The following ASB14 variants were observed in gnomAD, a reference collection of about 807,000 sequenced individuals.
The protein encoded by ASB14 is ankyrin repeat and SOCS box containing 14.
In ASB14, 63 loss-of-function variants were observed where a neutral mutation model predicts 55.6. The ratio of observed to expected loss-of-function variants is 1.13; its 90% confidence interval spans 0.92 to 1.40. The LOEUF (loss-of-function observed/expected upper bound fraction) is 1.40. Among genes scored for constraint, ASB14 ranks in the 40% most tolerant of loss-of-function variants. The probability of loss-of-function intolerance (pLI) is 0.00; values close to 1 mark genes in which losing one functional copy is unlikely to be tolerated. For synonymous variants in ASB14, 256 were observed against 259.9 expected (o/e 0.98, Z 0.15); for missense variants, 724 against 710.4 (o/e 1.02, Z -0.22).
intron 9 of ASB14, among the ~76,000 whole-genome samples, chr3:57,277,204 T>C (rs1305332403): frequency 6.7e-6 from 1 of 148,880 alleles, no homozygotes; most frequent in African/African-American, 2.5e-5. Context: ...GAGGCAGAGG[T>C]TGCAGTGAGC....
chr3:57,280,181 A>AAT, intron 7 of ASB14, 121 bp downstream of exon 7: 1 of 688,504 alleles, frequency 1.5e-6, no homozygotes, highest in Non-Finnish European at 2.1e-6. Flanking sequence ...AAAAAAAAAA[A>AAT]AAAAAGTATG....
chr3:57,288,468 G>A (rs1031018122), intron 3 of ASB14, among the ~76,000 whole-genome samples, 182 bp from the exon 4 acceptor site: 1 of 152,140 alleles, frequency 6.6e-6, no homozygotes, highest in Non-Finnish European at 1.5e-5. Flanking sequence ...TTCCGCACCT[G>A]GGCATGTGAA....
chr3:57,282,095 G>A (rs2061045099), intron 6 of ASB14, among the ~76,000 whole-genome samples: 1 of 152,066 alleles, frequency 6.6e-6, no homozygotes, highest in Non-Finnish European at 1.5e-5. Context: ...GTTTATTTTT[G>A]TTATTCCAGC....
rs1331350021 is a variant in ASB14, at chr3:57,268,972, G to C, written c.*669C>G. ...AATGCATTAAATGATCCATGAAATT[G>C]TAAGAGCGTGTTATGGGTTGTAGAT... On this transcript the variant is annotated 3_prime_UTR_variant, in exon 11 of 11. Coordinates refer to ENST00000487349, the MANE Select transcript of ASB14 (RefSeq NM_001142733.3). 1 of 152,948 alleles carries C rather than the reference G, an allele frequency of 6.5e-6. No homozygotes were observed. Among genetic ancestry groups the C allele is most frequent in the Non-Finnish European group, 1.5e-5 (1 of 68,672 alleles). 9.5% of individuals were successfully genotyped at this position (152,948 alleles called of 1,614,324 possible).
chr3:57,290,663 A>C (rs1055165360), intron 2 of ASB14, among the ~76,000 whole-genome samples: 2 of 152,182 alleles, frequency 1.3e-5, no homozygotes, highest in Admixed American at 6.5e-5. Context: ...CTGCAAATCT[A>C]ATCAAGTAAA....
chr3:57,283,362 C>T lies in ASB14; in HGVS notation c.547G>A (p.Glu183Lys), dbSNP rs2061053864. 5 of 1,551,646 alleles carry T rather than the reference C, an allele frequency of 3.2e-6. No individual in the cohort carries two copies. The South Asian group carries it at 3.6e-5, about 11-fold the overall frequency. Residue 183 changes from glutamate to lysine, a missense_variant, in exon 6 of 11, where the codon GAG becomes AAG. By Grantham distance (56) the Glu-to-Lys change is moderately conservative. Transcript: ENST00000487349. ...GADVNLRCANERTALHEAAKL... is the reference protein window; with the variant it reads ...GADVNLRCANKRTALHEAAKL... Reference sequence around the variant, plus strand: ...GCTGCTTCGTGGAGAGCTGTCCTCTCGTTGGCACAACGCAGATTGACATCT... The same window carrying T: ...GCTGCTTCGTGGAGAGCTGTCCTCTTGTTGGCACAACGCAGATTGACATCT...
intron 10 of ASB14, among the ~76,000 whole-genome samples, chr3:57,276,000 T>G (rs1326414769): frequency 1.3e-5 from 2 of 152,142 alleles, no homozygotes; most frequent in African/African-American, 2.4e-5. Flanking sequence ...CTAACCCCGG[T>G]TTCAGGCTTC....
intron 2 of ASB14, among the ~76,000 whole-genome samples, chr3:57,290,765 TTCAAAG>T (rs1482959656): frequency 6.6e-6 from 1 of 152,228 alleles, no homozygotes; most frequent in Non-Finnish European, 1.5e-5. Context: ...AAATTGTAAG[TTCAAAG>T]TCAGTTACTC....
intron 5 of ASB14, among the ~76,000 whole-genome samples, chr3:57,287,652 G>A (rs1579435934): frequency 6.6e-6 from 1 of 152,202 alleles, no homozygotes; most frequent in South Asian, 2.1e-4. Flanking sequence ...CTGATTTTTT[G>A]TATCAGAATT....
chr3:57,288,877 G>C (rs1025879797), intron 3 of ASB14, 191 bp downstream of exon 3: 6 of 426,728 alleles, frequency 1.4e-5, no homozygotes, highest in Non-Finnish European at 2.5e-5. Context: ...ACCATGCCCG[G>C]CTAATTTTTT....
At chr3:57,275,800 C>G (rs1421224700) in intron 10 of ASB14, among the ~76,000 whole-genome samples, 1 of 152,112 alleles carries the variant, frequency 6.6e-6, no homozygotes, top group Non-Finnish European at 1.5e-5. Flanking sequence ...GGGCTACAAG[C>G]CTGTACAGCA....
At chr3:57,276,879 T>A (rs1269429451) in intron 9 of ASB14, 151 bp from the exon 10 acceptor site, 1 of 697,798 alleles carries the variant, frequency 1.4e-6, no homozygotes, top group East Asian at 2.7e-5. Context: ...CTTATTGCAA[T>A]CCTTGTTGTA....
At chr3:57,284,094 A>ATATGTGTGTGTGTGTGTGTGTG (rs1553640085) in intron 5 of ASB14, among the ~76,000 whole-genome samples, 54 of 136,546 alleles carry the variant, frequency 4.0e-4, no homozygotes, top group African/African-American at 3.1e-4. Context: ...AACACTGTGT[A>ATATGTGTGTGTGTGTGTGTGTG]TGTGTGTGTG....
At chr3:57,274,201 A>G (rs2060968873) in intron 10 of ASB14, among the ~76,000 whole-genome samples, 1 of 152,216 alleles carries the variant, frequency 6.6e-6, no homozygotes, top group African/African-American at 2.4e-5. Context: ...AGAATGGACT[A>G]TCTAATTCTT....
chr3:57,273,150 TG>T lies in ASB14; in HGVS notation c.*22+3377del, dbSNP rs887372720. The T allele has an allele frequency of 2.8e-4, 43 of 152,786 alleles. No homozygotes were observed. In the Middle Eastern group the frequency reaches 0.014, roughly 48 times the overall value. 9.5% of individuals were successfully genotyped at this position (152,786 alleles called of 1,614,324 possible). A position where few individuals can be genotyped will look rare whatever the true frequency, so the allele number is the denominator to read the frequency against. ...AAATTTACTTCAGTTAATATGAGAC[TG>T]GGGGTTAAGTTGTAACTAATATGCA... On this transcript the variant is annotated intron_variant, in intron 10 of 10. Transcript: ENST00000487349.
intron 5 of ASB14, 103 bp from the exon 6 acceptor site, chr3:57,283,542 C>T: frequency 4.2e-6 from 5 of 1,191,368 alleles, no homozygotes; most frequent in Non-Finnish European, 5.9e-6. Context: ...TCTTCCCACC[C>T]ACTCCCAGAC....
Position 57,292,104 on chromosome 3 carries a change from A to G in ASB14, c.-71T>C, listed in dbSNP as rs561133102. On this transcript the variant is annotated splice_region_variant and 5_prime_UTR_variant, in exon 2 of 11. Transcript: ENST00000487349. Reference sequence around the variant, plus strand: ...TATTTTTCCAGTTGTGAAGAGATCAACTGCTTAAAATTACAAATGAAATTC... The same window carrying G: ...TATTTTTCCAGTTGTGAAGAGATCAGCTGCTTAAAATTACAAATGAAATTC... 2.2e-6 allele frequency: 3 copies of G among 1,336,836 alleles called. No homozygotes were observed. The highest frequency in any genetic ancestry group is 2.8e-5 in the East Asian group (1 of 36,242). 82.8% of individuals were successfully genotyped at this position (1,336,836 alleles called of 1,614,324 possible).
chr3:57,274,857 T>G (rs2060974385), intron 10 of ASB14, among the ~76,000 whole-genome samples: 1 of 152,182 alleles, frequency 6.6e-6, no homozygotes, highest in South Asian at 2.1e-4. Flanking sequence ...GTGATCACAT[T>G]AACCGGTAAA....
chr3:57,276,840 A>T, intron 9 of ASB14, 112 bp from the exon 10 acceptor site: 4 of 965,054 alleles, frequency 4.1e-6, no homozygotes, highest in Non-Finnish European at 6.1e-6. Flanking sequence ...ACTAAATGGC[A>T]AAGTCAATAG....
Sources: allele counts gnomAD v4.1 joint callset (sites outside exome capture counted in the v4.1 genomes callset), GRCh38; gene constraint gnomAD v4.1.1; transcripts MANE v1.5; gene names NCBI Gene and HGNC (gene_info 2026-07-23, HGNC 2026-07-21).